Variants in GARIN1A observed in about 807,000 individuals in gnomAD.
The protein encoded by GARIN1A is golgi associated RAB2 interactor 1A, also known as Golgi-associated RAB2 interactor protein 1A.
the GARIN1A span, among the ~76,000 whole-genome samples, chr7:128,701,295 T>C: frequency 0.16 from 20,838 of 127,292 alleles, 1,997 homozygotes; most frequent in Middle Eastern, 0.24. Flanking sequence ...CAAGGCAGTT[T>C]ACTTCTATAG....
the GARIN1A span, chr7:128,686,686 GC>G: frequency 6.6e-6 from 1 of 152,278 alleles, no homozygotes; most frequent in Non-Finnish European, 1.5e-5. Context: ...GACCAGCCTG[GC>G]CAACATGGTG....
chr7:128,706,141 G>A, the GARIN1A span, among the ~76,000 whole-genome samples: 4 of 151,856 alleles, frequency 2.6e-5, no homozygotes, highest in Non-Finnish European at 4.4e-5. Context: ...TCCCAAATTT[G>A]GCCTGCAGGA....
the GARIN1A span, among the ~76,000 whole-genome samples, chr7:128,706,863 C>T: frequency 1.3e-3 from 204 of 152,066 alleles, no homozygotes; most frequent in Non-Finnish European, 2.7e-3. Context: ...GGCAGCTCCT[C>T]GTGGGACTCT....
At chr7:128,701,442 GAGGGGAGGGAAGGGA>G in the GARIN1A span, among the ~76,000 whole-genome samples, 1 of 102,190 alleles carries the variant, frequency 9.8e-6, no homozygotes, top group African/African-American at 3.7e-5. Context: ...GAGGGGAGGG[GAGGGGAGGGAAGGGA>G]AGGGAAGGGA....
the GARIN1A span, chr7:128,675,580 C>T: frequency 6.1e-6 from 8 of 1,320,652 alleles, no homozygotes; most frequent in African/African-American, 1.4e-5. Context: ...TGTGTGCACA[C>T]CTGCCCCCAA....
chr7:128,694,151 G>T, the GARIN1A span, among the ~76,000 whole-genome samples: 4 of 152,304 alleles, frequency 2.6e-5, no homozygotes, highest in East Asian at 7.7e-4. Flanking sequence ...ATTATTAAAT[G>T]ACTGTGCCTT....
At chr7:128,690,246 A>C in the GARIN1A span, among the ~76,000 whole-genome samples, 1 of 152,212 alleles carries the variant, frequency 6.6e-6, no homozygotes, top group Non-Finnish European at 1.5e-5. Flanking sequence ...CCTAATCTCA[A>C]GTACTCAGGG....
chr7:128,683,153 A>T, the GARIN1A span: 1 of 1,606,748 alleles, frequency 6.2e-7, no homozygotes, highest in Non-Finnish European at 8.5e-7. Flanking sequence ...ACTTCTTGGG[A>T]GCCTGACACC....
At chr7:128,688,080 C>T in the GARIN1A span, among the ~76,000 whole-genome samples, 747 of 151,648 alleles carry the variant, frequency 4.9e-3, 5 homozygotes, top group Admixed American at 8.2e-3. Context: ...GCAGTGATCT[C>T]GGCTCACTGC....
chr7:128,704,996 T>C, the GARIN1A span, among the ~76,000 whole-genome samples: 5 of 152,206 alleles, frequency 3.3e-5, no homozygotes, highest in African/African-American at 1.2e-4. Context: ...GAGTTCAAAA[T>C]AGGTCAATGG....
At chr7:128,696,657 C>T in the GARIN1A span, among the ~76,000 whole-genome samples, 1 of 152,006 alleles carries the variant, frequency 6.6e-6, no homozygotes. Context: ...AGAACAAGAC[C>T]CTGTCTCAAA....
chr7:128,690,164 A>AG, the GARIN1A span, among the ~76,000 whole-genome samples: 1 of 152,196 alleles, frequency 6.6e-6, no homozygotes, highest in Non-Finnish European at 1.5e-5. Context: ...AAATGGATTA[A>AG]GGGCAGTGCA....
At chr7:128,673,937 T>A in the GARIN1A span, among the ~76,000 whole-genome samples, 1 of 152,152 alleles carries the variant, frequency 6.6e-6, no homozygotes, top group South Asian at 2.1e-4. Context: ...AGATGGAGTC[T>A]CACTCCGTTG....
chr7:128,697,445 ATCTACGCACCC>A, the GARIN1A span: 4 of 152,078 alleles, frequency 2.6e-5, no homozygotes. Context: ...CACTGCCGGC[ATCTACGCACCC>A]TGAACGCGCC....
At chr7:128,674,043 A>G in the GARIN1A span, among the ~76,000 whole-genome samples, 1 of 151,964 alleles carries the variant, frequency 6.6e-6, no homozygotes, top group Admixed American at 6.6e-5. Context: ...ACAGGCGTGC[A>G]CCACCTCGCC....
chr7:128,690,675 A>G, the GARIN1A span: 14 of 152,220 alleles, frequency 9.2e-5, no homozygotes, highest in Admixed American at 2.0e-4. Flanking sequence ...GCAATTTTTC[A>G]TACAACTCTT....
At chr7:128,673,130 C>G in the GARIN1A span, among the ~76,000 whole-genome samples, 1 of 152,142 alleles carries the variant, frequency 6.6e-6, no homozygotes, top group Non-Finnish European at 1.5e-5. Flanking sequence ...GCGGTCTAGC[C>G]TGAACCCATG....
the GARIN1A span, among the ~76,000 whole-genome samples, chr7:128,700,491 G>T: frequency 2.0e-5 from 3 of 152,034 alleles, no homozygotes; most frequent in Admixed American, 1.3e-4. Context: ...TGTTGGCCAG[G>T]CTGGTCTCAA....
the GARIN1A span, among the ~76,000 whole-genome samples, chr7:128,692,157 G>A: frequency 6.6e-6 from 1 of 152,076 alleles, no homozygotes; most frequent in African/African-American, 2.4e-5. Flanking sequence ...TGTTTTCTAC[G>A]TGTACACCCA....
Sources: allele counts gnomAD v4.1 joint callset (sites outside exome capture counted in the v4.1 genomes callset), GRCh38; gene constraint gnomAD v4.1.1; transcripts MANE v1.5; gene names NCBI Gene and HGNC (gene_info 2026-07-23, HGNC 2026-07-21).